Variants in ZGRF1 observed in about 807,000 individuals in gnomAD.
ZGRF1 encodes 5'-3' DNA helicase ZGRF1.
ZGRF1 carries 196 observed loss-of-function variants against 203.5 expected under a neutral mutation model. The observed-to-expected ratio is 0.96, with a 90% CI of 0.86 to 1.08. The LOEUF (loss-of-function observed/expected upper bound fraction) is 1.08. Ranked by LOEUF, ZGRF1 falls within the 50% of genes least tolerant of loss-of-function variation. ZGRF1 has a pLI of 0.00. For missense variants in ZGRF1, 2,326 were observed against 2,416.3 expected, an observed-to-expected ratio of 0.96 and a Z score of 0.78; for synonymous variants, 809 against 841.3, an observed-to-expected ratio of 0.96 and a Z score of 0.66.
At chr4:112,573,695 C>T (rs1166469796) in intron 16 of ZGRF1, among the ~76,000 whole-genome samples, 3 of 152,060 alleles carry the variant, frequency 2.0e-5, no homozygotes, top group South Asian at 4.1e-4. Flanking sequence ...GAAAAGATTA[C>T]TAATAAATAT....
At position 112,586,502 on chromosome 4, in the gene ZGRF1, G is replaced by T. The variant is rs976890069; in HGVS notation, c.3859C>A (p.Pro1287Thr). Residue 1287 changes from proline (P) to threonine (T), a missense_variant, in exon 13 of 28, where the codon CCA (proline) becomes ACA (threonine). Physicochemically the swap from Pro to Thr is conservative, Grantham distance 38. Transcript: ENST00000505019. ...AYLPQRQIHIPAVFQSPAHYK... is the reference protein window; with the variant it reads ...AYLPQRQIHITAVFQSPAHYK... ...TGAGCAGGAGACTGAAAAACAGCTG[G>T]TATGTGAATTTGCCTTTGGGGAAGA... 11 of 1,613,182 alleles carry T rather than the reference G, an allele frequency of 6.8e-6. No individual in the cohort carries two copies. The highest frequency in any genetic ancestry group is 9.3e-6 in the Non-Finnish European group (11 of 1,179,462).
At chr4:112,573,450 C>T (rs1023662344) in intron 16 of ZGRF1, among the ~76,000 whole-genome samples, 7 of 152,016 alleles carry the variant, frequency 4.6e-5, no homozygotes, top group African/African-American at 1.7e-4. Context: ...AAATTTGATA[C>T]GGTGTATACT....
At chr4:112,610,577 A>T (rs912737538) in intron 7 of ZGRF1, 1 of 152,494 alleles carries the variant, frequency 6.6e-6, no homozygotes, top group African/African-American at 2.4e-5. Context: ...TCTCAAAAAA[A>T]AGAAAGAAAA....
Position 112,619,578 on chromosome 4 carries a change from C to A in ZGRF1, c.464G>T (p.Cys155Phe). ...KTGPTIFSPF[C>F]SMPPLFPTVG... ...AGTAGGAAACAAAGGAGGCATGCTG[C>A]AGAATGGAGAAAAAATAGTAGGGCC... Residue 155 changes from cysteine to phenylalanine, a missense_variant, in exon 6 of 28, where the codon TGC becomes TTC. Transcript: ENST00000505019. The A allele has an allele frequency of 6.2e-7, 1 of 1,614,006 alleles. No homozygotes were observed. Among genetic ancestry groups the A allele is most frequent in the South Asian group, 1.1e-5 (1 of 91,072 alleles).
intron 22 of ZGRF1, among the ~76,000 whole-genome samples, chr4:112,550,048 C>T (rs1443222138): frequency 6.6e-6 from 1 of 152,056 alleles, no homozygotes; most frequent in Admixed American, 6.5e-5. Flanking sequence ...AAAAAATTAG[C>T]CGGGCGTGGT....
chr4:112,546,784 G>A (rs1001091147), intron 24 of ZGRF1: 6 of 152,308 alleles, frequency 3.9e-5, no homozygotes, highest in African/African-American at 1.4e-4. Flanking sequence ...TTCCACCACA[G>A]GATGACAACG....
At chr4:112,558,104 C>T in intron 20 of ZGRF1, 46 bp downstream of exon 20, 1 of 1,549,504 alleles carries the variant, frequency 6.5e-7, no homozygotes, top group Non-Finnish European at 8.7e-7. Context: ...CCTCTCTCAA[C>T]AATATCCCAA....
rs1238801858 is a variant in ZGRF1, at chr4:112,587,753, A to C, written c.3304T>G (p.Leu1102Val). 6.4e-6 allele frequency: 10 copies of C among 1,558,584 alleles called. No homozygotes were observed. The highest frequency in any genetic ancestry group is 2.0e-5 in the Admixed American group (1 of 51,274). ...YESSGSPMLN[L>V]CEKSAVLSFS... ...GAAAGAACTGCTGACTTTTCACACA[A>C]ATTGAGCATGGGGGAGCCAGAAGAC... Residue 1102 changes from leucine (L) to valine (V), a missense_variant, in exon 12 of 28, where the codon TTG becomes GTG. Physicochemically the swap from Leu to Val is conservative, Grantham distance 32 (BLOSUM62 1). Coordinates refer to ENST00000505019, the MANE Select transcript of ZGRF1 (RefSeq NM_018392.5).
At chr4:112,616,252 G>T (rs1185053806) in intron 6 of ZGRF1, among the ~76,000 whole-genome samples, 1 of 152,060 alleles carries the variant, frequency 6.6e-6, no homozygotes, top group Non-Finnish European at 1.5e-5. Context: ...GGGTGCAGTG[G>T]CTCATGCCTG....
At chr4:112,560,226 A>T (rs1741706640) in intron 19 of ZGRF1, among the ~76,000 whole-genome samples, 1 of 152,214 alleles carries the variant, frequency 6.6e-6, no homozygotes, top group African/African-American at 2.4e-5. Flanking sequence ...TCACTGTGAC[A>T]GAACCAAGCG....
In ZGRF1 at chr4:112,560,077, G is replaced by T. The variant is rs535253543; in HGVS notation, c.4960+656C>A. 4.6e-5 allele frequency among the ~76,000 whole-genome samples: 7 copies of T among 152,262 alleles called. No homozygotes were observed. In the South Asian group the frequency reaches 1.5e-3, roughly 32 times the overall value. Reference sequence around the variant, plus strand: ...TCAGATTTGATTTGGTCAACAGGGTGGATATGACATAATTCCTCAAAATAG... The same window carrying T: ...TCAGATTTGATTTGGTCAACAGGGTTGATATGACATAATTCCTCAAAATAG... On this transcript the variant is annotated intron_variant, in intron 19 of 27. Coordinates refer to ENST00000505019, the MANE Select transcript of ZGRF1 (RefSeq NM_018392.5).
At position 112,539,992 on chromosome 4, in the gene ZGRF1, C is replaced by T. The variant is rs1284456205; in HGVS notation, c.6043G>A (p.Gly2015Arg). 1 of 1,613,656 alleles carries T rather than the reference C, an allele frequency of 6.2e-7. No homozygotes were observed. The highest frequency in any genetic ancestry group is 8.5e-7 in the Non-Finnish European group (1 of 1,179,776). The change falls in exon 27 of 28, where the codon GGA becomes AGA. Residue 2015 changes from glycine to arginine, a missense_variant. Coordinates refer to ENST00000505019, the MANE Select transcript of ZGRF1 (RefSeq NM_018392.5). ...ATTCTTTTTTCTGAATCAATGAATC[C>T]TACTTGTCTTGTCCTTACACAGGAC... ...ILSCVRTRQVGFIDSEKRMNV... is the reference protein window; with the variant it reads ...ILSCVRTRQVRFIDSEKRMNV...
At chr4:112,617,188 G>C (rs1005038568) in intron 6 of ZGRF1, among the ~76,000 whole-genome samples, 5 of 152,118 alleles carry the variant, frequency 3.3e-5, no homozygotes, top group Admixed American at 6.6e-5. Flanking sequence ...GCTTATATAC[G>C]CATAGAATAT....
intron 20 of ZGRF1, among the ~76,000 whole-genome samples, chr4:112,557,267 G>A (rs972132557): frequency 2.0e-5 from 3 of 151,876 alleles, no homozygotes; most frequent in Admixed American, 2.0e-4. Context: ...TGCCTCCTGA[G>A]TTCAAGCAAT....
chr4:112,556,562 A>G (rs1322306889), intron 20 of ZGRF1, among the ~76,000 whole-genome samples: 1 of 152,024 alleles, frequency 6.6e-6, no homozygotes, highest in Non-Finnish European at 1.5e-5. Flanking sequence ...GCTAATTTTT[A>G]TATTTTTGGT....
intron 10 of ZGRF1, among the ~76,000 whole-genome samples, chr4:112,590,556 T>A (rs1747976255): frequency 1.3e-5 from 2 of 152,300 alleles, no homozygotes; most frequent in Non-Finnish European, 2.9e-5. Context: ...AAAGCTCTTT[T>A]ACTTATAACT....
chr4:112,565,882 C>T (rs1253826022), intron 16 of ZGRF1, among the ~76,000 whole-genome samples: 3 of 152,170 alleles, frequency 2.0e-5, no homozygotes, highest in African/African-American at 7.2e-5. Context: ...AATAGCAACA[C>T]TTTTACACTG....
At chr4:112,586,641 G>C (rs914388888) in intron 12 of ZGRF1, 58 bp from the exon 13 acceptor site, 14 of 1,245,452 alleles carry the variant, frequency 1.1e-5, no homozygotes, top group Non-Finnish European at 1.5e-5. Flanking sequence ...GTTTACTAAA[G>C]AGTAAATTAT....
intron 16 of ZGRF1, among the ~76,000 whole-genome samples, chr4:112,566,767 T>G (rs993212178): frequency 6.6e-6 from 1 of 151,928 alleles, no homozygotes; most frequent in African/African-American, 2.4e-5. Flanking sequence ...CCTGAAGTGA[T>G]TTTGGCCAAG....
Sources: allele counts gnomAD v4.1 joint callset (sites outside exome capture counted in the v4.1 genomes callset), GRCh38; gene constraint gnomAD v4.1.1; transcripts MANE v1.5; gene names NCBI Gene and HGNC (gene_info 2026-07-23, HGNC 2026-07-21).